The following TM4SF4 variants were observed in gnomAD, a reference collection of about 807,000 sequenced individuals.
TM4SF4 encodes the protein transmembrane 4 L6 family member 4.
In TM4SF4, 24 loss-of-function variants were observed where a neutral mutation model predicts 24.1. That is an observed-to-expected ratio of 1.00 (90% confidence interval 0.72 to 1.40). The LOEUF (loss-of-function observed/expected upper bound fraction) is 1.40. Ranked by LOEUF, TM4SF4 falls within the 40% of genes most tolerant of loss-of-function variation. TM4SF4 has a pLI of 0.00. For missense variants in TM4SF4, 254 were observed against 254.2 expected, an observed-to-expected ratio of 1.00 and a Z score of 0.01; for synonymous variants, 113 against 97.0, an observed-to-expected ratio of 1.17 and a Z score of -0.97.
At chr3:149,496,503 C>T (rs1260914390) in intron 3 of TM4SF4, among the ~76,000 whole-genome samples, 1 of 152,170 alleles carries the variant, frequency 6.6e-6, no homozygotes, top group Non-Finnish European at 1.5e-5. Context: ...AACAATCGGC[C>T]AGATGCCGTG....
rs200840303 is a variant in TM4SF4, at chr3:149,475,024, C to T, written c.147C>T (p.Phe49=). ...ACCTTTCCCAAGAGATCTGGTTTTT[C>T]GGAGGAATATTAGGAAGCGGTGTCT... ...NDHLSQEIWF[F]GGILGSGVLM... The change falls in exon 1 of 5, where the codon TTC becomes TTT. Residue 49 remains phenylalanine, a synonymous_variant. Coordinates refer to ENST00000305354, the MANE Select transcript of TM4SF4 (RefSeq NM_004617.4). 447 of 1,613,100 alleles carry T rather than the reference C, an allele frequency of 2.8e-4. 2 individuals carry two copies. In the African/African-American group the frequency reaches 5.5e-3, roughly 20 times the overall value.
intron 3 of TM4SF4, among the ~76,000 whole-genome samples, chr3:149,498,152 TA>T (rs2107876572): frequency 6.6e-6 from 1 of 152,318 alleles, no homozygotes; most frequent in East Asian, 1.9e-4. Context: ...TGGTTAAAAT[TA>T]GGCCTTGAAA....
intron 2 of TM4SF4, among the ~76,000 whole-genome samples, chr3:149,476,487 G>A (rs1358783616): frequency 4.3e-5 from 6 of 139,048 alleles, no homozygotes; most frequent in South Asian, 2.2e-4. Context: ...AACTAGAGAC[G>A]TTAGGCATCA....
At chr3:149,482,914 C>T (rs1364491416) in intron 2 of TM4SF4, among the ~76,000 whole-genome samples, 1 of 152,200 alleles carries the variant, frequency 6.6e-6, no homozygotes, top group Non-Finnish European at 1.5e-5. Context: ...GGCTTTTTGA[C>T]TGATCATATC....
At chr3:149,499,819 G>T (rs1734384135) in intron 4 of TM4SF4, among the ~76,000 whole-genome samples, 1 of 150,280 alleles carries the variant, frequency 6.7e-6, no homozygotes, top group Non-Finnish European at 1.5e-5. Flanking sequence ...AGGTTGCAGT[G>T]AGCCGAGATC....
Position 149,502,679 on chromosome 3 carries a change from G to T in TM4SF4, c.595G>T (p.Asp199Tyr), listed in dbSNP as rs1161849277. ...ATTCACCTTTTCTACCTTCTAGGGAGATGGACCCGTTTAAACCTCCGAGAT... is the reference window on the plus strand; with the variant it reads ...ATTCACCTTTTCTACCTTCTAGGGATATGGACCCGTTTAAACCTCCGAGAT... The part of the protein sequence containing the change: ...DCQCCGCCGG[D>Y]GPV The change falls in exon 5 of 5, where the codon GAT (aspartate) becomes TAT (tyrosine). Residue 199 changes from aspartate to tyrosine, a missense_variant. Coordinates refer to ENST00000305354, the MANE Select transcript of TM4SF4 (RefSeq NM_004617.4). 6.2e-7 allele frequency: 1 copy of T among 1,605,786 alleles called. No homozygotes were observed. The highest frequency in any genetic ancestry group is 1.1e-5 in the South Asian group (1 of 90,812).
In TM4SF4 at chr3:149,497,935, G is replaced by A. The variant is rs762540116; in HGVS notation, c.402-787G>A. ...GCTGGGATTACAGGTGTGAGTCACC[G>A]CGCCCGGCCACAATGCCCTTTATAT... On this transcript the variant is annotated intron_variant, in intron 3 of 4. Transcript: ENST00000305354. 7.9e-5 allele frequency among the ~76,000 whole-genome samples: 12 copies of A among 151,954 alleles called. No homozygotes were observed. The East Asian group carries it at 1.2e-3, about 15-fold the overall frequency.
At chr3:149,475,962 G>A in intron 2 of TM4SF4, 50 bp downstream of exon 2, 2 of 1,505,006 alleles carry the variant, frequency 1.3e-6, no homozygotes, top group Non-Finnish European at 1.8e-6. Flanking sequence ...GGTGCTCTGT[G>A]CTTTTGTGCT....
chr3:149,502,883 G>A lies in TM4SF4; in HGVS notation c.*190G>A. The A allele has an allele frequency of 2.1e-6, 1 of 476,604 alleles. No individual in the cohort carries two copies. Among genetic ancestry groups the A allele is most frequent in the East Asian group, 3.3e-5 (1 of 30,110 alleles). The allele number at this position is 476,604 out of a possible 1,614,324, so 29.5% of individuals were successfully genotyped here. ...TTTTGTTATTTTCAAATAAAAAATAGTTTGGCCACTTAACAAATTTGATTT... is the reference window on the plus strand; with the variant it reads ...TTTTGTTATTTTCAAATAAAAAATAATTTGGCCACTTAACAAATTTGATTT... On this transcript the variant is annotated 3_prime_UTR_variant, in exon 5 of 5. Transcript: ENST00000305354.
intron 4 of TM4SF4, among the ~76,000 whole-genome samples, chr3:149,502,205 A>G (rs1191355101): frequency 6.6e-6 from 1 of 152,150 alleles, no homozygotes; most frequent in Non-Finnish European, 1.5e-5. Context: ...GGCTTTCCAC[A>G]TAGCACTTGG....
At position 149,475,884 on chromosome 3, in the gene TM4SF4, G is replaced by A. The variant is rs1364435772; in HGVS notation, c.236G>A (p.Gly79Asp). The change falls in exon 2 of 5, where the codon GGC becomes GAC. Residue 79 changes from glycine (G) to aspartate (D), a missense_variant. Physicochemically the swap from Gly to Asp is moderately conservative, Grantham distance 94 (BLOSUM62 -1). Coordinates refer to ENST00000305354, the MANE Select transcript of TM4SF4 (RefSeq NM_004617.4). ...LKNNDCCGCC[G>D]NEGCGKRFAM... ...AACAATGACTGCTGTGGGTGCTGCG[G>A]CAACGAGGGCTGTGGGAAGCGATTT... 2 of 1,613,048 alleles carry A rather than the reference G, an allele frequency of 1.2e-6. No individual in the cohort carries two copies. Among genetic ancestry groups the A allele is most frequent in the Admixed American group, 1.7e-5 (1 of 59,908 alleles).
At chr3:149,478,873 C>T (rs545713972) in intron 2 of TM4SF4, among the ~76,000 whole-genome samples, 1 of 152,332 alleles carries the variant, frequency 6.6e-6, no homozygotes, top group South Asian at 2.1e-4. Context: ...AAGCAATTCT[C>T]CTGCCTTAGC....
chr3:149,500,398 TAA>T (rs1434542702), intron 4 of TM4SF4, among the ~76,000 whole-genome samples: 2 of 152,046 alleles, frequency 1.3e-5, no homozygotes, highest in Non-Finnish European at 2.9e-5. Flanking sequence ...AAAATATAAA[TAA>T]GTCCCCCAAA....
At chr3:149,495,521 G>T in intron 3 of TM4SF4, 2 of 403,868 alleles carry the variant, frequency 5.0e-6, no homozygotes, top group East Asian at 8.7e-5. Flanking sequence ...GCACCATGTT[G>T]CAAGCTCTTC....
At chr3:149,476,028 C>T in intron 2 of TM4SF4, 116 bp downstream of exon 2, 1 of 829,748 alleles carries the variant, frequency 1.2e-6, no homozygotes, top group Non-Finnish European at 2.0e-6. Flanking sequence ...CTGGGAGCAG[C>T]TGGTGAAGGG....
At chr3:149,477,675 T>C (rs560019417) in intron 2 of TM4SF4, among the ~76,000 whole-genome samples, 2 of 152,368 alleles carry the variant, frequency 1.3e-5, no homozygotes, top group East Asian at 1.9e-4. Flanking sequence ...TATGTTAACA[T>C]TTAAAATCAT....
At chr3:149,486,862 G>T (rs1465288900) in intron 2 of TM4SF4, among the ~76,000 whole-genome samples, 1 of 152,082 alleles carries the variant, frequency 6.6e-6, no homozygotes, top group Non-Finnish European at 1.5e-5. Context: ...AATGAGGAGG[G>T]GTTCTAAACT....
In TM4SF4 at chr3:149,493,896, C is replaced by T. The variant is rs533276092; in HGVS notation, c.402-4826C>T. On this transcript the variant is annotated intron_variant, in intron 3 of 4. Transcript: ENST00000305354. ...GCATCTGAATTCACCAGACAGAGCGCGCCAGCAAAGCATTCGTATTCAGGC... is the reference window on the plus strand; with the variant it reads ...GCATCTGAATTCACCAGACAGAGCGTGCCAGCAAAGCATTCGTATTCAGGC... Among the ~76,000 whole-genome samples the T allele has an allele frequency of 7.2e-5, 11 of 152,300 alleles. No homozygotes were observed. The South Asian group carries it at 1.2e-3, about 17-fold the overall frequency.
rs763000490 is a variant in TM4SF4 at position 149,475,812 on chromosome 3, TCTC to T, written c.175-8_175-6del. On this transcript the variant is annotated splice_region_variant and splice_polypyrimidine_tract_variant and intron_variant, in intron 1 of 4. Transcript: ENST00000305354. Reference sequence around the variant, plus strand: ...CCTGGACTCTCTCTGAGGTGCCTCTTCTCCTGGTAGATGATCTTCCCTGCGCTG... The same window carrying T: ...CCTGGACTCTCTCTGAGGTGCCTCTTCTGGTAGATGATCTTCCCTGCGCTG... The T allele has an allele frequency of 3.7e-6, 6 of 1,603,682 alleles. No homozygotes were observed. Among genetic ancestry groups the T allele is most frequent in the South Asian group, 3.4e-5 (3 of 88,882 alleles).
Sources: allele counts gnomAD v4.1 joint callset (sites outside exome capture counted in the v4.1 genomes callset), GRCh38; gene constraint gnomAD v4.1.1; transcripts MANE v1.5; gene names NCBI Gene and HGNC (gene_info 2026-07-23, HGNC 2026-07-21).